Variants in RCSD1 observed in about 807,000 individuals in gnomAD.
RCSD1 encodes capZ-interacting protein.
A neutral mutation model predicts 42.5 loss-of-function variants in RCSD1; 26 were observed. The observed-to-expected ratio is 0.61, with a 90% CI of 0.45 to 0.85. RCSD1 has a LOEUF of 0.85. Ranked by LOEUF, RCSD1 falls within the 40% of genes least tolerant of loss-of-function variation. The probability of loss-of-function intolerance (pLI) is 0.00; values close to 1 mark genes in which losing one functional copy is unlikely to be tolerated. For synonymous variants in RCSD1, 220 were observed against 212.2 expected (o/e 1.04, Z -0.32); for missense variants, 571 against 528.3 (o/e 1.08, Z -0.79).
chr1:167,699,163 A>G (rs1256266615), intron 6 of RCSD1, among the ~76,000 whole-genome samples: 1 of 151,950 alleles, frequency 6.6e-6, no homozygotes, highest in Non-Finnish European at 1.5e-5. Context: ...CATTCTCTGG[A>G]CAGCAACCAG....
chr1:167,693,581 G>A (rs918595742), intron 4 of RCSD1, among the ~76,000 whole-genome samples: 6 of 152,200 alleles, frequency 3.9e-5, no homozygotes, highest in Non-Finnish European at 7.3e-5. Flanking sequence ...AATCAGACCC[G>A]GTGTGAATCT....
At chr1:167,685,133 A>T (rs1659195485) in intron 2 of RCSD1, among the ~76,000 whole-genome samples, 1 of 152,198 alleles carries the variant, frequency 6.6e-6, no homozygotes, top group Non-Finnish European at 1.5e-5. Context: ...AGGTCGGTGA[A>T]TCTCAAGTAA....
chr1:167,636,542 T>G (rs1657856338), intron 1 of RCSD1, among the ~76,000 whole-genome samples: 1 of 152,218 alleles, frequency 6.6e-6, no homozygotes, highest in Non-Finnish European at 1.5e-5. Context: ...TAATTAATCA[T>G]TAATGATTCA....
At chr1:167,639,026 G>C (rs980213849) in intron 1 of RCSD1, among the ~76,000 whole-genome samples, 1 of 152,100 alleles carries the variant, frequency 6.6e-6, no homozygotes, top group Non-Finnish European at 1.5e-5. Context: ...GACCATCCTG[G>C]CTAACACGAT....
At chr1:167,636,564 G>A (rs1178910251) in intron 1 of RCSD1, among the ~76,000 whole-genome samples, 1 of 152,048 alleles carries the variant, frequency 6.6e-6, no homozygotes, top group African/African-American at 2.4e-5. Flanking sequence ...GGCATGCCAT[G>A]CACTAGCTTC....
In RCSD1 at chr1:167,664,808, G is replaced by A. The variant is rs184564027; in HGVS notation, c.7-19092G>A. ...GAATCCCAGCACTTTGGGAGGCCAA[G>A]GCGGGTGGATCAACTGAGGTCAAGA... is the stretch of plus-strand genomic sequence containing the variant. On this transcript the variant is annotated intron_variant, in intron 1 of 6. Coordinates refer to ENST00000367854, the MANE Select transcript of RCSD1 (RefSeq NM_052862.4). The A allele has an allele frequency of 3.6e-3, 545 of 152,382 alleles. 1 individual carries two copies. Among genetic ancestry groups the A allele is most frequent in the Non-Finnish European group, 6.0e-3 (410 of 68,060 alleles). 9.4% of individuals were successfully genotyped at this position (152,382 alleles called of 1,614,324 possible). A position where few individuals can be genotyped will look rare whatever the true frequency, so the allele number is the denominator to read the frequency against.
At chr1:167,692,906 A>T (rs1659409508) in intron 4 of RCSD1, among the ~76,000 whole-genome samples, 1 of 152,052 alleles carries the variant, frequency 6.6e-6, no homozygotes, top group Non-Finnish European at 1.5e-5. Flanking sequence ...GGCCAAGGGG[A>T]GCTGGGAGGG....
intron 1 of RCSD1, among the ~76,000 whole-genome samples, chr1:167,654,555 T>G (rs1431682243): frequency 1.3e-5 from 2 of 152,194 alleles, no homozygotes; most frequent in African/African-American, 4.8e-5. Context: ...CATAGTGCTG[T>G]GTTAGCCTCC....
At chr1:167,678,369 A>G (rs1351431223) in intron 1 of RCSD1, among the ~76,000 whole-genome samples, 4 of 152,106 alleles carry the variant, frequency 2.6e-5, no homozygotes, top group African/African-American at 9.7e-5. Context: ...AGAACTATTC[A>G]TTGCCCAACT....
intron 1 of RCSD1, among the ~76,000 whole-genome samples, chr1:167,681,749 G>A (rs1571700173): frequency 6.6e-6 from 1 of 152,152 alleles, no homozygotes; most frequent in South Asian, 2.1e-4. Context: ...CTGTGATGTG[G>A]GCAAGAAGTT....
At chr1:167,660,879 C>G (rs1248058394) in intron 1 of RCSD1, among the ~76,000 whole-genome samples, 1 of 152,204 alleles carries the variant, frequency 6.6e-6, no homozygotes, top group Non-Finnish European at 1.5e-5. Flanking sequence ...CTCCCCACCA[C>G]CAAATTGTTG....
chr1:167,651,651 A>G (rs911770427), intron 1 of RCSD1, among the ~76,000 whole-genome samples: 1 of 152,124 alleles, frequency 6.6e-6, no homozygotes, highest in African/African-American at 2.4e-5. Flanking sequence ...CTCTACCTGC[A>G]ACACCTCCCT....
In RCSD1 at chr1:167,697,750, G is replaced by T; in HGVS notation, c.1126G>T (p.Val376Leu). The change falls in exon 6 of 7, where the codon GTG (valine) becomes TTG (leucine). Residue 376 changes from valine to leucine, a missense_variant. Transcript: ENST00000367854. ...CAAGGAAAAACAACAGGAGGGGGCA[G>T]TGCTCGAGCCAGGCTGCAGCCCCCA... ...KGKEKQQEGA[V>L]LEPGCSPQTG... 1 of 1,548,782 alleles carries T rather than the reference G, an allele frequency of 6.5e-7. No homozygotes were observed. Among genetic ancestry groups the T allele is most frequent in the Non-Finnish European group, 8.7e-7 (1 of 1,149,708 alleles).
chr1:167,689,116 C>T (rs1659311255), intron 3 of RCSD1, among the ~76,000 whole-genome samples: 1 of 152,166 alleles, frequency 6.6e-6, no homozygotes, highest in African/African-American at 2.4e-5. Flanking sequence ...GCCACCGAGA[C>T]TGAATCATGC....
At chr1:167,689,557 A>C (rs1571099901) in intron 3 of RCSD1, among the ~76,000 whole-genome samples, 1 of 152,280 alleles carries the variant, frequency 6.6e-6, no homozygotes, top group Middle Eastern at 3.4e-3. Flanking sequence ...TAATTTATAA[A>C]TCATGCCATC....
At chr1:167,645,519 A>G (rs1328085735) in intron 1 of RCSD1, among the ~76,000 whole-genome samples, 3 of 152,254 alleles carry the variant, frequency 2.0e-5, no homozygotes, top group African/African-American at 7.2e-5. Flanking sequence ...AATTTCACAG[A>G]GAAAGAACAT....
intron 6 of RCSD1, among the ~76,000 whole-genome samples, chr1:167,702,528 C>G (rs990617970): frequency 6.6e-6 from 1 of 152,240 alleles, no homozygotes; most frequent in South Asian, 2.1e-4. Context: ...CCTGTAATCA[C>G]AGCACTTTGG....
chr1:167,702,913 T>C (rs1659677009), intron 6 of RCSD1, among the ~76,000 whole-genome samples: 1 of 152,208 alleles, frequency 6.6e-6, no homozygotes, highest in Non-Finnish European at 1.5e-5. Context: ...AACAAAGACA[T>C]TCGAAATATT....
chr1:167,662,583 C>T (rs1027152979), intron 1 of RCSD1, among the ~76,000 whole-genome samples: 10 of 152,192 alleles, frequency 6.6e-5, no homozygotes, highest in Non-Finnish European at 1.3e-4. Context: ...TTGAGCCATG[C>T]CATCTGCTTT....
Sources: gnomAD v4.1 joint callset for allele counts (sites outside exome capture counted in the v4.1 genomes callset) on GRCh38, gnomAD v4.1.1 for gene constraint, MANE v1.5 for transcripts, NCBI Gene and HGNC (gene_info 2026-07-23, HGNC 2026-07-21) for gene names.